LRRC49: variants seen among roughly 807,000 people sequenced by gnomAD.
The protein encoded by LRRC49 is leucine rich repeat containing 49, also known as leucine-rich repeat-containing protein 49.
In LRRC49, 50 loss-of-function variants were observed where a neutral mutation model predicts 83.3. The ratio of observed to expected loss-of-function variants is 0.60; its 90% confidence interval spans 0.48 to 0.76. The LOEUF (loss-of-function observed/expected upper bound fraction) is 0.76, where lower values mean the gene tolerates loss of function less well. Among genes scored for constraint, LRRC49 ranks in the 30% least tolerant of loss-of-function variants. LRRC49 has a pLI of 0.00. For missense variants in LRRC49, 704 were observed against 809.1 expected (o/e 0.87, Z 1.58); for synonymous variants, 286 against 283.3 (o/e 1.01, Z -0.10).
chr15:70,960,648 A>G (rs773407316), intron 8 of LRRC49, among the ~76,000 whole-genome samples: 1 of 152,210 alleles, frequency 6.6e-6, no homozygotes, highest in Admixed American at 6.5e-5. Context: ...TATTCAGGTG[A>G]TCTTTGATAA....
At chr15:70,878,359 C>T (rs2033195997) in intron 2 of LRRC49, among the ~76,000 whole-genome samples, 1 of 152,144 alleles carries the variant, frequency 6.6e-6, no homozygotes, top group African/African-American at 2.4e-5. Flanking sequence ...ATCATATCAT[C>T]TCTAAAAAAA....
intron 13 of LRRC49, among the ~76,000 whole-genome samples, 198 bp downstream of exon 13, chr15:71,010,190 A>G (rs1439495978): frequency 6.6e-6 from 1 of 152,030 alleles, no homozygotes; most frequent in Non-Finnish European, 1.5e-5. Context: ...TTGTAAAAAT[A>G]AAATAGTAAC....
intron 8 of LRRC49, among the ~76,000 whole-genome samples, chr15:70,940,327 G>C (rs2035765339): frequency 6.9e-6 from 1 of 144,714 alleles, no homozygotes; most frequent in Non-Finnish European, 1.5e-5. Context: ...CGCAATCTCA[G>C]CTCACTGCAA....
At chr15:71,038,473 CT>C (rs1258952709) in intron 15 of LRRC49, among the ~76,000 whole-genome samples, 1 of 152,020 alleles carries the variant, frequency 6.6e-6, no homozygotes. Flanking sequence ...TCTTCTTTTC[CT>C]TTTCCTTTCC....
intron 6 of LRRC49, among the ~76,000 whole-genome samples, chr15:70,913,267 TGTTA>T (rs1024468418): frequency 6.6e-6 from 1 of 152,208 alleles, no homozygotes; most frequent in African/African-American, 2.4e-5. Flanking sequence ...TTCTAACAGC[TGTTA>T]GTTCCAGTAG....
chr15:70,976,068 C>T (rs2037195456), intron 9 of LRRC49, among the ~76,000 whole-genome samples: 1 of 152,174 alleles, frequency 6.6e-6, no homozygotes, highest in African/African-American at 2.4e-5. Flanking sequence ...TTAGCCACTA[C>T]ATTGAAGACA....
chr15:70,911,703 T>G, intron 6 of LRRC49, 105 bp downstream of exon 6: 1 of 688,430 alleles, frequency 1.5e-6, no homozygotes, highest in Non-Finnish European at 2.5e-6. Context: ...AAGAGTTTCT[T>G]TATTGATTCA....
intron 1 of LRRC49, chr15:70,860,219 A>AG (rs71438505): frequency 0.56 from 355,495 of 633,230 alleles, 103,193 homozygotes; most frequent in Admixed American, 0.72. Context: ...AGGGCCCTGG[A>AG]GGAGGCCGCT....
intron 8 of LRRC49, among the ~76,000 whole-genome samples, chr15:70,948,538 A>C (rs2036095458): frequency 7.0e-6 from 1 of 143,220 alleles, no homozygotes; most frequent in Non-Finnish European, 1.5e-5. Flanking sequence ...AGAGGGATGT[A>C]ATCCTTTACT....
At chr15:70,922,567 T>C (rs2035047333) in intron 7 of LRRC49, among the ~76,000 whole-genome samples, 1 of 151,960 alleles carries the variant, frequency 6.6e-6, no homozygotes, top group Non-Finnish European at 1.5e-5. Flanking sequence ...AGATGGTTAA[T>C]GGGTACAAAA....
intron 2 of LRRC49, chr15:70,894,736 A>C (rs922379656): frequency 1.1e-5 from 6 of 566,228 alleles, no homozygotes; most frequent in Non-Finnish European, 1.6e-5. Context: ...CAGAGTTCAC[A>C]CATAACAGCA....
chr15:70,921,636 A>C (rs2035009720), intron 7 of LRRC49, among the ~76,000 whole-genome samples: 1 of 152,208 alleles, frequency 6.6e-6, no homozygotes, highest in East Asian at 1.9e-4. Flanking sequence ...TGAGTGCAGC[A>C]TCTCTCTTGC....
chr15:70,970,803 T>C (rs1370004678), intron 9 of LRRC49, among the ~76,000 whole-genome samples: 1 of 152,194 alleles, frequency 6.6e-6, no homozygotes, highest in African/African-American at 2.4e-5. Flanking sequence ...TGATGGTAGT[T>C]TGTATTTCTG....
chr15:70,900,819 A>G (rs931785662), intron 3 of LRRC49, 103 bp from the exon 4 acceptor site: 22 of 689,234 alleles, frequency 3.2e-5, no homozygotes, highest in Middle Eastern at 3.9e-4. Context: ...TACTTTCTAG[A>G]TAAGATATTT....
intron 2 of LRRC49, 57 bp downstream of exon 2, chr15:70,893,697 TAGC>T: frequency 7.7e-7 from 1 of 1,296,414 alleles, no homozygotes; most frequent in Non-Finnish European, 1.1e-6. Flanking sequence ...TCTACACAAA[TAGC>T]AGCATGACTT....
At chr15:70,900,900 A>G (rs952858135) in intron 3 of LRRC49, 22 bp from the exon 4 acceptor site, 1 of 1,429,178 alleles carries the variant, frequency 7.0e-7, no homozygotes, top group Non-Finnish European at 9.8e-7. Context: ...TAATTAAGTA[A>G]TTTGTATATC....
intron 15 of LRRC49, among the ~76,000 whole-genome samples, chr15:71,039,243 G>C (rs546737350): frequency 6.6e-6 from 1 of 152,270 alleles, no homozygotes; most frequent in Admixed American, 6.5e-5. Context: ...AGTATTAAAA[G>C]ATGAGACCAG....
intron 2 of LRRC49, chr15:70,881,505 T>C (rs1369435626): frequency 6.6e-6 from 1 of 152,230 alleles, no homozygotes; most frequent in Non-Finnish European, 1.5e-5. Flanking sequence ...TTGATATTTA[T>C]TTTTGTTATT....
At chr15:70,981,617 C>T (rs1008682549) in intron 10 of LRRC49, among the ~76,000 whole-genome samples, 1 of 151,766 alleles carries the variant, frequency 6.6e-6, no homozygotes, top group Non-Finnish European at 1.5e-5. Flanking sequence ...TTCCTTGTAA[C>T]CTTAGAAGTG....
Sources: allele counts gnomAD v4.1 joint callset (sites outside exome capture counted in the v4.1 genomes callset), GRCh38; gene constraint gnomAD v4.1.1; transcripts MANE v1.5; gene names NCBI Gene and HGNC (gene_info 2026-07-23, HGNC 2026-07-21).